The following SART3 variants were observed in gnomAD, a reference collection of about 807,000 sequenced individuals.
The protein encoded by SART3 is spliceosome associated factor 3, U4/U6 recycling protein.
Under a neutral mutation model 122.3 loss-of-function variants are expected in SART3, and 44 were observed. The observed-to-expected ratio is 0.36, with a 90% confidence interval of 0.28 to 0.46. The LOEUF is 0.46. Among genes scored for constraint, SART3 ranks in the 20% least tolerant of loss-of-function variants. The pLI, the probability that SART3 is intolerant of heterozygous loss-of-function variation, is 1.00. For synonymous variants in SART3, 442 were observed against 454.0 expected, an observed-to-expected ratio of 0.97 and a Z score of 0.34; for missense variants, 1,101 against 1,229.0, an observed-to-expected ratio of 0.90 and a Z score of 1.56.
intron 12 of SART3, 150 bp downstream of exon 12, chr12:108,535,209 T>C (rs1169844537): frequency 1.5e-5 from 11 of 710,790 alleles, no homozygotes; most frequent in Non-Finnish European, 2.9e-5. Flanking sequence ...GCCCTGCCCA[T>C]TAAAAATGTA....
chr12:108,552,606 T>C (rs1022669230), intron 1 of SART3, among the ~76,000 whole-genome samples: 1 of 150,520 alleles, frequency 6.6e-6, no homozygotes, highest in African/African-American at 2.4e-5. Context: ...TTACAATCAC[T>C]CCAAAAAACC....
intron 1 of SART3, 86 bp downstream of exon 1, chr12:108,560,757 G>A: frequency 3.2e-6 from 4 of 1,251,454 alleles, no homozygotes; most frequent in Non-Finnish European, 4.4e-6. Context: ...CTTTATCGCC[G>A]CCGAGGACTA....
Position 108,549,195 on chromosome 12 carries a change from T to C in SART3, c.332A>G (p.Asp111Gly). 1.2e-6 allele frequency: 2 copies of C among 1,614,176 alleles called. No individual in the cohort carries two copies. Among genetic ancestry groups the C allele is most frequent in the Non-Finnish European group, 8.5e-7 (1 of 1,180,018 alleles). ...GATCAAGTCCACATGGCAGTTGTAG[T>C]CATAGACGTTGATAGACAACTAACA... Reference protein sequence around the residue: ...LEEQLSINVYDYNCHVDLIRL... With the variant: ...LEEQLSINVYGYNCHVDLIRL... Residue 111 changes from aspartate to glycine, a missense_variant, in exon 2 of 19, where the codon GAC becomes GGC. Asp to Gly is a moderately conservative substitution (Grantham distance 94, BLOSUM62 -1). This residue lies in a region of SART3 where 216 missense variants were observed against 148.9 expected (regional missense o/e 1.45). Transcript: ENST00000546815.
chr12:108,558,800 G>A (rs1288723512), intron 1 of SART3, among the ~76,000 whole-genome samples: 2 of 152,068 alleles, frequency 1.3e-5, no homozygotes, highest in South Asian at 4.2e-4. Flanking sequence ...TTGGGAGGCC[G>A]AGGCGGGCGG....
At chr12:108,537,656 C>A (rs1442286829) in intron 8 of SART3, 61 bp from the exon 9 acceptor site, 1 of 1,171,374 alleles carries the variant, frequency 8.5e-7, no homozygotes, top group East Asian at 2.4e-5. Flanking sequence ...TAGAAAGTCA[C>A]TACATTCTAC....
At chr12:108,523,733 G>T in intron 18 of SART3, 99 bp from the exon 19 acceptor site, 18 of 952,282 alleles carry the variant, frequency 1.9e-5, no homozygotes, top group Non-Finnish European at 2.5e-5. Flanking sequence ...ATAACCAGAA[G>T]TTAAAAGGTG....
intron 1 of SART3, among the ~76,000 whole-genome samples, chr12:108,555,571 G>T (rs1220309470): frequency 1.3e-5 from 2 of 152,216 alleles, no homozygotes; most frequent in Non-Finnish European, 2.9e-5. Context: ...AGGCTGAGGT[G>T]AAAGGATCGC....
intron 12 of SART3, chr12:108,532,622 T>G: frequency 2.6e-6 from 1 of 387,378 alleles, no homozygotes; most frequent in Non-Finnish European, 5.0e-6. Context: ...CATTCACATG[T>G]GCGGCACATG....
At chr12:108,547,641 G>A (rs935731121) in intron 3 of SART3, among the ~76,000 whole-genome samples, 2 of 151,668 alleles carry the variant, frequency 1.3e-5, no homozygotes, top group African/African-American at 4.9e-5. Context: ...AGTTCTCACT[G>A]TCAATAAATC....
chr12:108,556,066 C>G (rs1385791083), intron 1 of SART3, among the ~76,000 whole-genome samples: 1 of 151,438 alleles, frequency 6.6e-6, no homozygotes, highest in Non-Finnish European at 1.5e-5. Context: ...GACTATGACC[C>G]CCAGGTTGAA....
chr12:108,546,531 T>G (rs1873428661), intron 3 of SART3, among the ~76,000 whole-genome samples: 2 of 151,202 alleles, frequency 1.3e-5, no homozygotes, highest in Non-Finnish European at 3.0e-5. Context: ...GCTTTTTTTT[T>G]TTTTTTTGAG....
intron 13 of SART3, chr12:108,531,899 G>A: frequency 2.7e-6 from 1 of 368,390 alleles, no homozygotes; most frequent in Non-Finnish European, 5.2e-6. Flanking sequence ...GTCATGTTTG[G>A]TTGTGGTGGT....
intron 10 of SART3, 41 bp downstream of exon 10, chr12:108,536,667 G>C (rs765456737): frequency 6.8e-6 from 11 of 1,610,202 alleles, no homozygotes; most frequent in Non-Finnish European, 9.3e-6. Flanking sequence ...TACAGACAAG[G>C]AAATACAACT....
intron 7 of SART3, 83 bp from the exon 8 acceptor site, chr12:108,538,286 G>T: frequency 6.8e-7 from 1 of 1,479,120 alleles, no homozygotes; most frequent in Non-Finnish European, 9.4e-7. Context: ...ACGACCAAGT[G>T]ATGAAAGAAA....
At chr12:108,550,240 C>T (rs1213728485) in intron 1 of SART3, among the ~76,000 whole-genome samples, 1 of 151,910 alleles carries the variant, frequency 6.6e-6, no homozygotes. Flanking sequence ...GGAAGTTCTT[C>T]GAACAGAAAA....
Position 108,526,233 on chromosome 12 carries a change from G to A in SART3, c.2236C>T (p.Arg746Ter). Residue 746 changes from arginine (R) to a stop codon, truncating the protein, a stop_gained, in exon 16 of 19, where the codon CGA becomes TGA. Coordinates refer to ENST00000546815, the MANE Select transcript of SART3 (RefSeq NM_014706.4). LOFTEE classifies it high-confidence loss of function. ...TTAAACTCCACGTAGCAGTAACCTC[G>A]GAAATCCCCACGGTTGCTGAAGATG... ...RPIFSNRGDFRGYCYVEFKEE... is the reference protein window; with the variant it reads ...RPIFSNRGDF 6.2e-7 allele frequency: 1 copy of A among 1,614,180 alleles called. No individual in the cohort carries two copies. Among genetic ancestry groups the A allele is most frequent in the Non-Finnish European group, 8.5e-7 (1 of 1,180,040 alleles).
chr12:108,559,664 CAAAAAAAAAAAA>C lies in SART3; in HGVS notation c.312+1167_312+1178del, dbSNP rs35159668. ...TGGGTGACAGGGCGAGACTCTGTCT[CAAAAAAAAAAAA>C]AAAAAAAAAAAGAGAGAATGTGCTC... On this transcript the variant is annotated intron_variant, in intron 1 of 18. Coordinates refer to ENST00000546815, the MANE Select transcript of SART3 (RefSeq NM_014706.4). Among the ~76,000 whole-genome samples the C allele has an allele frequency of 3.8e-5, 3 of 79,760 alleles. No individual in the cohort carries two copies. The South Asian group carries it at 1.4e-3, about 37-fold the overall frequency. 52.3% of individuals were successfully genotyped at this position (79,760 alleles called of 152,430 possible). A position where few individuals can be genotyped will look rare whatever the true frequency, so the allele number is the denominator to read the frequency against.
intron 3 of SART3, 110 bp from the exon 4 acceptor site, chr12:108,545,433 T>G (rs967956189): frequency 1.0e-6 from 1 of 973,358 alleles, no homozygotes; most frequent in Admixed American, 2.0e-5. Context: ...ACAGCAGCAC[T>G]AAATGACAGT....
chr12:108,557,003 T>C (rs1480108317), intron 1 of SART3, among the ~76,000 whole-genome samples: 1 of 152,184 alleles, frequency 6.6e-6, no homozygotes, highest in African/African-American at 2.4e-5. Flanking sequence ...AGCTGACTTT[T>C]AAGGTGTGGC....
Sources: allele counts gnomAD v4.1 joint callset (sites outside exome capture counted in the v4.1 genomes callset), GRCh38; gene constraint gnomAD v4.1.1; regional missense constraint gnomAD v4.1.1; transcripts MANE v1.5; gene names NCBI Gene and HGNC (gene_info 2026-07-23, HGNC 2026-07-21).